LINGO2: variants seen among roughly 807,000 people sequenced by gnomAD.
The protein encoded by LINGO2 is leucine rich repeat and Ig domain containing 2.
Under a neutral mutation model 30.6 loss-of-function variants are expected in LINGO2, and 14 were observed. The observed-to-expected ratio is 0.46, with a 90% CI of 0.30 to 0.72. The LOEUF is 0.72. LINGO2 is among the 30% of genes least tolerant of loss of function. The probability of loss-of-function intolerance (pLI) is 0.07; values close to 1 mark genes in which losing one functional copy is unlikely to be tolerated. For missense variants in LINGO2, 729 were observed against 751.7 expected, an observed-to-expected ratio of 0.97 and a Z score of 0.35; for synonymous variants, 317 against 288.5, an observed-to-expected ratio of 1.10 and a Z score of -1.00.
chr9:28,027,900 T>C (rs998632584), intron 4 of LINGO2, among the ~76,000 whole-genome samples: 1 of 152,138 alleles, frequency 6.6e-6, no homozygotes, highest in Non-Finnish European at 1.5e-5. Flanking sequence ...CGAAATCTCA[T>C]GTGTCCAGGA....
chr9:28,007,375 G>A (rs1339024220), intron 5 of LINGO2, among the ~76,000 whole-genome samples: 1 of 152,086 alleles, frequency 6.6e-6, no homozygotes, highest in Non-Finnish European at 1.5e-5. Context: ...CGCTACGCAT[G>A]ATGAAAACTG....
chr9:28,473,432 TAC>T (rs138469916), intron 2 of LINGO2, among the ~76,000 whole-genome samples: 3 of 150,396 alleles, frequency 2.0e-5, no homozygotes, highest in African/African-American at 2.4e-5. Context: ...CACATACACA[TAC>T]ACACACACAC....
the LINGO2 span, among the ~76,000 whole-genome samples, chr9:29,007,859 G>A: frequency 6.6e-6 from 1 of 151,986 alleles, no homozygotes; most frequent in Admixed American, 6.6e-5. Context: ...AAGAGTTAAG[G>A]GCTGAAGATA....
At chr9:28,397,932 A>G (rs1432372116) in intron 2 of LINGO2, among the ~76,000 whole-genome samples, 1 of 152,120 alleles carries the variant, frequency 6.6e-6, no homozygotes, top group African/African-American at 2.4e-5. Context: ...TGATCTTTGT[A>G]CCTCTCTTTA....
At chr9:28,982,146 C>G in the LINGO2 span, among the ~76,000 whole-genome samples, 4 of 152,030 alleles carry the variant, frequency 2.6e-5, no homozygotes, top group African/African-American at 9.7e-5. Context: ...TAAACATCAT[C>G]CTACAACTAG....
intron 1 of LINGO2, among the ~76,000 whole-genome samples, chr9:28,579,989 T>C (rs1824179097): frequency 6.6e-6 from 1 of 152,124 alleles, no homozygotes; most frequent in Non-Finnish European, 1.5e-5. Context: ...ATTACTCAAA[T>C]GCACTTTGGG....
the LINGO2 span, among the ~76,000 whole-genome samples, chr9:28,697,101 T>C: frequency 2.6e-5 from 4 of 151,982 alleles, no homozygotes; most frequent in Admixed American, 6.6e-5. Context: ...GAACAGTATG[T>C]TATTTTTGGC....
At chr9:28,699,728 G>T in the LINGO2 span, among the ~76,000 whole-genome samples, 4 of 151,906 alleles carry the variant, frequency 2.6e-5, no homozygotes, top group Non-Finnish European at 5.9e-5. Flanking sequence ...TTAATAGTAT[G>T]ACCCTGGGAA....
intron 1 of LINGO2, among the ~76,000 whole-genome samples, chr9:28,623,508 G>T (rs1473906990): frequency 1.3e-5 from 2 of 152,010 alleles, no homozygotes; most frequent in East Asian, 1.9e-4. Context: ...CTTTAGGTGT[G>T]TGAATTTTCT....
At chr9:28,570,900 T>A (rs1019672325) in intron 1 of LINGO2, among the ~76,000 whole-genome samples, 8 of 151,900 alleles carry the variant, frequency 5.3e-5, no homozygotes, top group African/African-American at 1.9e-4. Context: ...TAGCCTACAA[T>A]GTGCTTAAAA....
chr9:29,159,120 C>T, the LINGO2 span, among the ~76,000 whole-genome samples: 5 of 152,088 alleles, frequency 3.3e-5, no homozygotes, highest in African/African-American at 1.2e-4. Context: ...ACTCAAATCT[C>T]AGGGCTACTG....
At chr9:28,577,397 G>A (rs947961704) in intron 1 of LINGO2, among the ~76,000 whole-genome samples, 1 of 152,072 alleles carries the variant, frequency 6.6e-6, no homozygotes, top group Non-Finnish European at 1.5e-5. Flanking sequence ...GCCCTCACGT[G>A]TAAGTGGATT....
chr9:28,928,973 A>G, the LINGO2 span, among the ~76,000 whole-genome samples: 16 of 152,210 alleles, frequency 1.1e-4, no homozygotes, highest in Non-Finnish European at 2.4e-4. Flanking sequence ...AGTGGGCTGC[A>G]CAAAAGAAAA....
intron 4 of LINGO2, among the ~76,000 whole-genome samples, chr9:28,288,593 A>G (rs1441028733): frequency 6.6e-6 from 1 of 152,080 alleles, no homozygotes; most frequent in Non-Finnish European, 1.5e-5. Flanking sequence ...CTACTTGAGG[A>G]CAGGGCGGGG....
Position 28,436,488 on chromosome 9 carries a change from C to G in LINGO2, c.-279+39452G>C, listed in dbSNP as rs535921950. Among the ~76,000 whole-genome samples the G allele has an allele frequency of 3.3e-5, 5 of 151,742 alleles. No individual in the cohort carries two copies. In the South Asian group the frequency reaches 8.3e-4, roughly 25 times the overall value. On this transcript the variant is annotated intron_variant, in intron 2 of 5. Coordinates refer to ENST00000379992, the Ensembl canonical transcript of LINGO2. Reference sequence around the variant, plus strand: ...TTTATTTATTTTTGAGATGGAGTCTCGCTCTGTCGCCAAGGCTGGAATGCA... The same window carrying G: ...TTTATTTATTTTTGAGATGGAGTCTGGCTCTGTCGCCAAGGCTGGAATGCA...
the LINGO2 span, among the ~76,000 whole-genome samples, chr9:28,982,738 C>T: frequency 6.6e-6 from 1 of 151,680 alleles, no homozygotes; most frequent in South Asian, 2.1e-4. Context: ...TACAAAACAT[C>T]ACAAAGGAGA....
At chr9:29,152,756 G>A in the LINGO2 span, among the ~76,000 whole-genome samples, 5 of 152,064 alleles carry the variant, frequency 3.3e-5, no homozygotes, top group Non-Finnish European at 7.4e-5. Flanking sequence ...ACTTACCTAT[G>A]TAGTAATCCT....
At chr9:29,123,589 C>A in the LINGO2 span, among the ~76,000 whole-genome samples, 1 of 151,584 alleles carries the variant, frequency 6.6e-6, no homozygotes, top group Non-Finnish European at 1.5e-5. Flanking sequence ...GCTGACAAAT[C>A]TATTATCAAA....
At chr9:28,684,733 G>T in the LINGO2 span, among the ~76,000 whole-genome samples, 1 of 150,968 alleles carries the variant, frequency 6.6e-6, no homozygotes, top group Non-Finnish European at 1.5e-5. Context: ...TGGCCAGGCT[G>T]GTCTTTAACT....
Sources: allele counts gnomAD v4.1 joint callset (sites outside exome capture counted in the v4.1 genomes callset), GRCh38; gene constraint gnomAD v4.1.1; transcripts MANE v1.5; gene names NCBI Gene and HGNC (gene_info 2026-07-23, HGNC 2026-07-21).